Variants in FMN1 observed in about 807,000 individuals in gnomAD.
FMN1 encodes formin-1.
Under a neutral mutation model 132.4 loss-of-function variants are expected in FMN1, and 110 were observed. The observed-to-expected ratio is 0.83, with a 90% CI of 0.71 to 0.97. FMN1 has a LOEUF of 0.97. FMN1 is among the 50% of genes least tolerant of loss of function. FMN1 has a pLI of 0.00. For missense variants in FMN1, 1,792 were observed against 1,705.3 expected, an observed-to-expected ratio of 1.05 and a Z score of -0.90; for synonymous variants, 722 against 651.7, an observed-to-expected ratio of 1.11 and a Z score of -1.64.
At chr15:32,952,301 C>CT (rs1313260747) in intron 9 of FMN1, among the ~76,000 whole-genome samples, 1 of 152,172 alleles carries the variant, frequency 6.6e-6, no homozygotes, top group Non-Finnish European at 1.5e-5. Flanking sequence ...TCCAAGCAAC[C>CT]ATCTCAACGT....
At chr15:32,860,201 G>A (rs28697008) in intron 16 of FMN1, among the ~76,000 whole-genome samples, 3 of 114,736 alleles carry the variant, frequency 2.6e-5, no homozygotes, top group East Asian at 4.2e-4. Flanking sequence ...AAGGAAGGAA[G>A]GAAAGAAAGG....
chr15:32,997,585 C>CAT (rs1353584088), intron 7 of FMN1, among the ~76,000 whole-genome samples: 1 of 152,160 alleles, frequency 6.6e-6, no homozygotes, highest in Non-Finnish European at 1.5e-5. Context: ...AAGCACTGAG[C>CAT]ATGGTACCTG....
intron 16 of FMN1, among the ~76,000 whole-genome samples, chr15:32,886,407 A>G (rs1358111794): frequency 1.3e-5 from 2 of 152,168 alleles, no homozygotes; most frequent in Non-Finnish European, 2.9e-5. Context: ...ATTTTCCTAA[A>G]ATCGGCTGAG....
At chr15:33,095,661 T>C (rs1041084968) in intron 4 of FMN1, among the ~76,000 whole-genome samples, 1 of 152,138 alleles carries the variant, frequency 6.6e-6, no homozygotes, top group African/African-American at 2.4e-5. Flanking sequence ...GCATAAGTCA[T>C]TGTGCCTGGC....
intron 13 of FMN1, 145 bp downstream of exon 13, chr15:32,901,766 G>A (rs1183707571): frequency 5.3e-6 from 3 of 569,572 alleles, no homozygotes; most frequent in Non-Finnish European, 8.5e-6. Context: ...CACACACACG[G>A]GCAAGATAAT....
At chr15:33,129,787 ATTTTT>A (rs61564380) in intron 4 of FMN1, among the ~76,000 whole-genome samples, 19 of 121,728 alleles carry the variant, frequency 1.6e-4, no homozygotes, top group African/African-American at 3.4e-4. Flanking sequence ...TTGACTAGCA[ATTTTT>A]TTTTTTTTTT....
At chr15:32,925,924 A>AT (rs1320812858) in intron 10 of FMN1, among the ~76,000 whole-genome samples, 2 of 152,272 alleles carry the variant, frequency 1.3e-5, no homozygotes, top group Middle Eastern at 3.4e-3. Flanking sequence ...AAGTATCCTT[A>AT]TTTTTTAGCA....
intron 16 of FMN1, among the ~76,000 whole-genome samples, chr15:32,865,284 T>C (rs759656947): frequency 6.6e-6 from 1 of 152,238 alleles, no homozygotes; most frequent in Non-Finnish European, 1.5e-5. Flanking sequence ...TTCATCTTAA[T>C]AAAGCTGCCT....
rs1397834118 is a variant in FMN1 at position 33,066,914 on chromosome 15, T to C, written c.2044-1840A>G. 8 of 1,613,966 alleles carry C rather than the reference T, an allele frequency of 5.0e-6. No homozygotes were observed. Among genetic ancestry groups the C allele is most frequent in the Non-Finnish European group, 6.8e-6 (8 of 1,179,886 alleles). On this transcript the variant is annotated intron_variant, in intron 5 of 20. Transcript: ENST00000616417. ...TGCTTTCTTCTCACTCTTCACTGTC[T>C]GCAGCCCTGCCTGCACTAAGGACTT...
At chr15:32,877,260 C>G (rs1337933324) in intron 16 of FMN1, among the ~76,000 whole-genome samples, 1 of 147,534 alleles carries the variant, frequency 6.8e-6, no homozygotes, top group East Asian at 2.0e-4. Flanking sequence ...GCACTCCAGC[C>G]TGGGTGGCAG....
rs961779619 is a variant in FMN1, at chr15:33,001,383, CAT to C, written c.2223+6629_2223+6630del. On this transcript the variant is annotated intron_variant, in intron 7 of 20. Coordinates refer to ENST00000616417, the MANE Select transcript of FMN1 (RefSeq NM_001277313.2). ...TTTAAATGAATCAATTTCTGGTACA[CAT>C]GTTTATACACCTTTACTTAAAGTAA... Among the ~76,000 whole-genome samples, 14 of 152,186 alleles carry C rather than the reference CAT, an allele frequency of 9.2e-5. 1 individual carries two copies. Among genetic ancestry groups the C allele is most frequent in the South Asian group, 2.1e-4 (1 of 4,826 alleles).
At chr15:33,019,578 G>C (rs1282794922) in intron 6 of FMN1, among the ~76,000 whole-genome samples, 2 of 152,174 alleles carry the variant, frequency 1.3e-5, no homozygotes, top group Non-Finnish European at 2.9e-5. Context: ...GCCCGGGGCG[G>C]TGCGAAACTC....
intron 6 of FMN1, among the ~76,000 whole-genome samples, chr15:33,030,256 C>G (rs2035874051): frequency 6.6e-6 from 1 of 152,160 alleles, no homozygotes; most frequent in African/African-American, 2.4e-5. Flanking sequence ...AAAAGAATCA[C>G]CACTGGAAGT....
chr15:32,967,756 G>C (rs1220275972), intron 8 of FMN1, among the ~76,000 whole-genome samples: 1 of 152,132 alleles, frequency 6.6e-6, no homozygotes, highest in Non-Finnish European at 1.5e-5. Context: ...GGGATTTCTG[G>C]TTGTTTTATC....
intron 17 of FMN1, among the ~76,000 whole-genome samples, chr15:32,818,957 A>G (rs948775750): frequency 6.6e-6 from 1 of 151,434 alleles, no homozygotes; most frequent in African/African-American, 2.4e-5. Flanking sequence ...TCATGAAACC[A>G]GAGGCTTGAA....
At chr15:32,808,901 GT>G (rs35230592) in intron 17 of FMN1, among the ~76,000 whole-genome samples, 34,722 of 144,336 alleles carry the variant, frequency 0.24, 4,356 homozygotes, top group Admixed American at 0.31. Flanking sequence ...AAACTTTAGT[GT>G]TTTTTTTTTT....
chr15:33,179,779 A>G (rs1965633119), intron 3 of FMN1, among the ~76,000 whole-genome samples: 1 of 152,250 alleles, frequency 6.6e-6, no homozygotes, highest in African/African-American at 2.4e-5. Flanking sequence ...ACAAATATAT[A>G]TGGAAAGTGT....
Position 32,774,329 on chromosome 15 carries a change from G to C in FMN1, c.4241C>G (p.Ala1414Gly). The C allele has an allele frequency of 6.2e-7, 1 of 1,602,804 alleles. No homozygotes were observed. The highest frequency in any genetic ancestry group is 8.5e-7 in the Non-Finnish European group (1 of 1,174,330). Residue 1414 changes from alanine to glycine, a missense_variant, in exon 21 of 21, where the codon GCC becomes GGC. Around this residue, in one of 3 missense-constraint regions of FMN1, gnomAD observed 1,150 missense variants for 1,043.1 expected, o/e 1.10. Coordinates refer to ENST00000616417, the MANE Select transcript of FMN1 (RefSeq NM_001277313.2). ...SLKERLRQKE[A>G]SVTTN ...TTCATCTTAGTTAGTGGTCACACTG[G>C]CTTCCTTCTGACGCAGTCTTTCTTT...
intron 19 of FMN1, among the ~76,000 whole-genome samples, chr15:32,786,949 G>A (rs899509855): frequency 6.6e-6 from 1 of 152,160 alleles, no homozygotes; most frequent in African/African-American, 2.4e-5. Context: ...TTCTCCAGGC[G>A]AAAACGGGCT....
Sources: gnomAD v4.1 joint callset for allele counts (sites outside exome capture counted in the v4.1 genomes callset) on GRCh38, gnomAD v4.1.1 for gene constraint, gnomAD v4.1.1 regional missense constraint, MANE v1.5 for transcripts, NCBI Gene and HGNC (gene_info 2026-07-23, HGNC 2026-07-21) for gene names.